NNT: variants seen among roughly 807,000 people sequenced by gnomAD.
NNT encodes nicotinamide nucleotide transhydrogenase.
NNT carries 50 observed loss-of-function variants against 104.8 expected under a neutral mutation model. The ratio of observed to expected loss-of-function variants is 0.48; its 90% CI spans 0.38 to 0.60. NNT has a LOEUF of 0.60. Among genes scored for constraint, NNT ranks in the 20% least tolerant of loss-of-function variants. NNT has a pLI of 0.00. For synonymous variants in NNT, 461 were observed against 490.4 expected (o/e 0.94, Z 0.79); for missense variants, 1,131 against 1,330.7 (o/e 0.85, Z 2.33).
At chr5:43,652,527 A>ATT (rs35863403) in intron 13 of NNT, among the ~76,000 whole-genome samples, 34 of 143,348 alleles carry the variant, frequency 2.4e-4, no homozygotes, top group Non-Finnish European at 2.9e-4. Flanking sequence ...TGAATGAACA[A>ATT]TTTTTTTTTT....
chr5:43,685,384 T>C (rs1044069525), intron 19 of NNT, among the ~76,000 whole-genome samples: 4 of 151,986 alleles, frequency 2.6e-5, no homozygotes, highest in Admixed American at 2.0e-4. Flanking sequence ...TAAAACAGAG[T>C]AAAATAAGGG....
At chr5:43,701,755 T>C (rs1742862489) in intron 20 of NNT, among the ~76,000 whole-genome samples, 2 of 152,190 alleles carry the variant, frequency 1.3e-5, no homozygotes, top group Admixed American at 1.3e-4. Context: ...GTTTTGACTT[T>C]TTACTAATAG....
At chr5:43,615,672 T>C (rs1282935280) in intron 3 of NNT, among the ~76,000 whole-genome samples, 176 bp from the exon 4 acceptor site, 2 of 152,226 alleles carry the variant, frequency 1.3e-5, no homozygotes, top group Admixed American at 1.3e-4. Context: ...AGGGGATAGA[T>C]GGTATACCTC....
At chr5:43,686,138 T>C (rs1243204923) in intron 19 of NNT, among the ~76,000 whole-genome samples, 2 of 152,120 alleles carry the variant, frequency 1.3e-5, no homozygotes, top group African/African-American at 2.4e-5. Flanking sequence ...GGGTCTATTC[T>C]TAATTGATGA....
At chr5:43,607,478 G>T (rs1387449407) in intron 1 of NNT, among the ~76,000 whole-genome samples, 1 of 152,002 alleles carries the variant, frequency 6.6e-6, no homozygotes, top group African/African-American at 2.4e-5. Flanking sequence ...CTATAAAACT[G>T]CCCCACCCCT....
At chr5:43,699,006 G>GC (rs1437123636) in intron 19 of NNT, among the ~76,000 whole-genome samples, 1 of 151,934 alleles carries the variant, frequency 6.6e-6, no homozygotes, top group African/African-American at 2.4e-5. Context: ...AGTATAAACT[G>GC]CATTTATTTT....
At chr5:43,604,146 T>C (rs1223576232) in intron 1 of NNT, among the ~76,000 whole-genome samples, 2 of 152,138 alleles carry the variant, frequency 1.3e-5, no homozygotes, top group Non-Finnish European at 2.9e-5. Flanking sequence ...GGGTATTGTG[T>C]CCTTGCTGGT....
At chr5:43,685,418 T>G (rs551459006) in intron 19 of NNT, among the ~76,000 whole-genome samples, 1 of 152,112 alleles carries the variant, frequency 6.6e-6, no homozygotes, top group African/African-American at 2.4e-5. Flanking sequence ...ATTTGGAGTA[T>G]GGACATAAAT....
In NNT at chr5:43,612,930, T is replaced by G. The variant is rs1396258335; in HGVS notation, c.174T>G (p.Thr58=). The change falls in exon 3 of 22, where the codon ACT becomes ACG. Residue 58 remains threonine, a synonymous_variant. Transcript: ENST00000344920. ...TAGGAATTCCATATAAGCAACTGAC[T>G]GTTGGAGTCCCCAAAGAGATATTCC... ...VKPGIPYKQL[T]VGVPKEIFQN... 1.9e-6 allele frequency: 3 copies of G among 1,613,628 alleles called. No homozygotes were observed. The highest frequency in any genetic ancestry group is 2.5e-6 in the Non-Finnish European group (3 of 1,179,680).
chr5:43,666,756 C>T, intron 17 of NNT: 1 of 1,266,480 alleles, frequency 7.9e-7, no homozygotes, highest in South Asian at 1.4e-5. Context: ...CTCACGTTGG[C>T]AGAGATATCT....
intron 5 of NNT, 61 bp downstream of exon 5, chr5:43,619,180 A>T: frequency 1.0e-6 from 1 of 952,634 alleles, no homozygotes; most frequent in Non-Finnish European, 1.5e-6. Flanking sequence ...GGGTATGTAT[A>T]GTCTTAAAAT....
At chr5:43,663,980 C>T (rs544531575) in intron 17 of NNT, among the ~76,000 whole-genome samples, 2 of 152,078 alleles carry the variant, frequency 1.3e-5, no homozygotes, top group Admixed American at 1.3e-4. Context: ...GTATGTTGAC[C>T]TTCACTCTTA....
intron 17 of NNT, among the ~76,000 whole-genome samples, chr5:43,674,668 A>G (rs1365121573): frequency 6.6e-6 from 1 of 152,186 alleles, no homozygotes; most frequent in African/African-American, 2.4e-5. Flanking sequence ...ATTACTCAGA[A>G]CAACTAGTTT....
At chr5:43,703,258 T>C (rs1218151332) in intron 21 of NNT, among the ~76,000 whole-genome samples, 1 of 152,202 alleles carries the variant, frequency 6.6e-6, no homozygotes, top group East Asian at 1.9e-4. Context: ...AATTGCTAGA[T>C]TTTAGATAAC....
intron 17 of NNT, among the ~76,000 whole-genome samples, chr5:43,660,636 A>C (rs1740305259): frequency 6.6e-6 from 1 of 152,236 alleles, no homozygotes; most frequent in Non-Finnish European, 1.5e-5. Context: ...CAGGCTTAAC[A>C]GGAAGCATGA....
intron 9 of NNT, 24 bp from the exon 10 acceptor site, chr5:43,645,333 G>C (rs371258247): frequency 2.1e-6 from 3 of 1,409,978 alleles, no homozygotes; most frequent in South Asian, 1.9e-5. Flanking sequence ...TTTTTAATAC[G>C]TACTATTTTT....
chr5:43,700,794 C>G (rs139243843), intron 20 of NNT, among the ~76,000 whole-genome samples: 298 of 152,306 alleles, frequency 2.0e-3, no homozygotes, highest in African/African-American at 6.9e-3. Flanking sequence ...TGGCCCAAGC[C>G]TATGCTTGTT....
chr5:43,663,217 T>C (rs1740464390), intron 17 of NNT, among the ~76,000 whole-genome samples: 1 of 152,184 alleles, frequency 6.6e-6, no homozygotes, highest in African/African-American at 2.4e-5. Context: ...TTTTTCTTGG[T>C]TGCAGTTTTC....
chr5:43,700,764 T>C (rs1742810387), intron 20 of NNT, among the ~76,000 whole-genome samples: 1 of 152,354 alleles, frequency 6.6e-6, no homozygotes, highest in South Asian at 2.1e-4. Flanking sequence ...ATAGGGTAGA[T>C]GTTGAATGGT....
Sources: allele counts gnomAD v4.1 joint callset (sites outside exome capture counted in the v4.1 genomes callset), GRCh38; gene constraint gnomAD v4.1.1; transcripts MANE v1.5; gene names NCBI Gene and HGNC (gene_info 2026-07-23, HGNC 2026-07-21).